Variants in HPSE2 observed in about 807,000 individuals in gnomAD.
The protein encoded by HPSE2 is heparanase 2 (inactive).
In HPSE2, 38 loss-of-function variants were observed where a neutral mutation model predicts 60.5. The observed-to-expected ratio is 0.63, with a 90% CI of 0.48 to 0.82. The LOEUF is 0.82. Ranked by LOEUF, HPSE2 falls within the 40% of genes least tolerant of loss-of-function variation. The pLI, the probability that HPSE2 is intolerant of heterozygous loss-of-function variation, is 0.00. For missense variants in HPSE2, 713 were observed against 740.4 expected, an observed-to-expected ratio of 0.96 and a Z score of 0.43; for synonymous variants, 295 against 293.2, an observed-to-expected ratio of 1.01 and a Z score of -0.06.
At chr10:98,846,450 A>G (rs888002766) in intron 3 of HPSE2, among the ~76,000 whole-genome samples, 3 of 152,232 alleles carry the variant, frequency 2.0e-5, no homozygotes, top group Admixed American at 2.0e-4. Context: ...GAGTATGCTG[A>G]GCATGGAAAC....
intron 3 of HPSE2, among the ~76,000 whole-genome samples, chr10:98,807,044 G>GA (rs1951059133): frequency 6.6e-6 from 1 of 152,202 alleles, no homozygotes; most frequent in Admixed American, 6.5e-5. Context: ...TTGGGAGGCT[G>GA]AGGCAGGAGA....
In HPSE2 at chr10:98,459,334, C is replaced by A; in HGVS notation, c.*240G>T. On this transcript the variant is annotated 3_prime_UTR_variant, in exon 12 of 12. Transcript: ENST00000370552. ...GGAAACATTCTGCTCTATACACATG[C>A]CTTTATCCTTATATAGGTACAGGTG... 1 of 574,762 alleles carries A rather than the reference C, an allele frequency of 1.7e-6. No individual in the cohort carries two copies. Among genetic ancestry groups the A allele is most frequent in the South Asian group, 1.9e-5 (1 of 53,734 alleles). The allele number at this position is 574,762 out of a possible 1,614,324, so 35.6% of individuals were successfully genotyped here. A position where few individuals can be genotyped will look rare whatever the true frequency, so the allele number is the denominator to read the frequency against.
At chr10:99,080,172 G>C (rs1018677398) in intron 3 of HPSE2, among the ~76,000 whole-genome samples, 4 of 152,136 alleles carry the variant, frequency 2.6e-5, no homozygotes, top group African/African-American at 9.7e-5. Flanking sequence ...AGAGTCTAGA[G>C]CTTCCTATCC....
intron 3 of HPSE2, among the ~76,000 whole-genome samples, chr10:98,996,029 T>A (rs569569698): frequency 3.9e-5 from 6 of 152,276 alleles, no homozygotes; most frequent in African/African-American, 1.4e-4. Flanking sequence ...ATAACAATGA[T>A]AATTTGTTTT....
chr10:99,244,411 T>TATG, the HPSE2 span, among the ~76,000 whole-genome samples: 8 of 146,534 alleles, frequency 5.5e-5, no homozygotes, highest in African/African-American at 2.0e-4. Flanking sequence ...TTATTATTAT[T>TATG]ATTATTATTA....
chr10:99,103,084 GC>G (rs1314378578), intron 3 of HPSE2, among the ~76,000 whole-genome samples: 8 of 152,208 alleles, frequency 5.3e-5, no homozygotes, highest in African/African-American at 1.9e-4. Flanking sequence ...AGACAGGGAT[GC>G]CCTTTCTCAC....
rs1292210685 is a variant in HPSE2, at chr10:98,542,796, C to T, written c.1321-52600G>A. Among the ~76,000 whole-genome samples the T allele has an allele frequency of 3.7e-3, 564 of 152,022 alleles. 2 individuals carry two copies. The highest frequency in any genetic ancestry group is 0.011 in the Admixed American group (161 of 15,248). On this transcript the variant is annotated intron_variant, in intron 9 of 11. Transcript: ENST00000370552. ...TTAGAGAAAAAAGAATAAAAAGAAA[C>T]GAGCAAAGCCTCCAAGAAACATGGG...
At chr10:98,600,884 C>T (rs61883379) in intron 9 of HPSE2, among the ~76,000 whole-genome samples, 17 of 31,674 alleles carry the variant, frequency 5.4e-4, no homozygotes, top group East Asian at 3.1e-3. Flanking sequence ...TGTATATATA[C>T]ATATATACGT....
chr10:99,226,564 T>C (rs539201062), intron 2 of HPSE2, among the ~76,000 whole-genome samples: 10 of 152,148 alleles, frequency 6.6e-5, no homozygotes, highest in South Asian at 2.1e-4. Context: ...TAATACATGA[T>C]ATCAATATGA....
chr10:98,598,269 G>T (rs563045471), intron 9 of HPSE2, among the ~76,000 whole-genome samples: 84 of 152,092 alleles, frequency 5.5e-4, no homozygotes, highest in African/African-American at 1.9e-3. Context: ...GTCTGGAGTG[G>T]TCCATAGATG....
intron 9 of HPSE2, among the ~76,000 whole-genome samples, chr10:98,580,836 A>ATATATATATATATGTGTGTGTG: frequency 1.0e-4 from 12 of 119,526 alleles, no homozygotes; most frequent in African/African-American, 4.3e-4. Flanking sequence ...ATATATATAT[A>ATATATATATATATGTGTGTGTG]TGTGTGTGTG....
intron 8 of HPSE2, among the ~76,000 whole-genome samples, chr10:98,615,813 C>G (rs1294167860): frequency 1.3e-5 from 2 of 152,190 alleles, no homozygotes; most frequent in Admixed American, 6.5e-5. Context: ...CTTAGGGAAA[C>G]TTCTACTTGT....
intron 6 of HPSE2, among the ~76,000 whole-genome samples, chr10:98,658,039 G>A (rs189502548): frequency 1.3e-5 from 2 of 152,168 alleles, no homozygotes; most frequent in Non-Finnish European, 2.9e-5. Context: ...GAAGAAGAAA[G>A]TCTGGGACTT....
intron 9 of HPSE2, among the ~76,000 whole-genome samples, chr10:98,496,105 C>T (rs1363241684): frequency 1.3e-5 from 2 of 151,778 alleles, no homozygotes; most frequent in African/African-American, 4.8e-5. Flanking sequence ...TTATTGTAGG[C>T]TGCCTCTGTG....
intron 3 of HPSE2, among the ~76,000 whole-genome samples, chr10:99,074,060 C>A (rs1050689708): frequency 6.7e-6 from 1 of 149,778 alleles, no homozygotes; most frequent in African/African-American, 2.5e-5. Context: ...CTTTTTCTTG[C>A]CTATTTGCTC....
intron 3 of HPSE2, among the ~76,000 whole-genome samples, chr10:98,836,435 C>T (rs1355019940): frequency 2.0e-5 from 3 of 152,214 alleles, no homozygotes; most frequent in Non-Finnish European, 4.4e-5. Context: ...TATCCATTTA[C>T]ATATCTGCCT....
chr10:98,664,392 C>T (rs2134094684), intron 6 of HPSE2, among the ~76,000 whole-genome samples: 1 of 152,164 alleles, frequency 6.6e-6, no homozygotes, highest in South Asian at 2.1e-4. Flanking sequence ...TTCTGCAGGG[C>T]CAGTCCAAGA....
chr10:98,877,491 T>C (rs1952909369), intron 3 of HPSE2, among the ~76,000 whole-genome samples: 1 of 151,988 alleles, frequency 6.6e-6, no homozygotes, highest in East Asian at 1.9e-4. Flanking sequence ...ATGCCTCTTT[T>C]TCTTATCGAT....
At chr10:98,964,556 C>T (rs1325826844) in intron 3 of HPSE2, among the ~76,000 whole-genome samples, 2 of 152,056 alleles carry the variant, frequency 1.3e-5, no homozygotes, top group East Asian at 3.9e-4. Flanking sequence ...ACCCACTAAT[C>T]ACTCTACTCT....
Sources: gnomAD v4.1 joint callset for allele counts (sites outside exome capture counted in the v4.1 genomes callset) on GRCh38, gnomAD v4.1.1 for gene constraint, MANE v1.5 for transcripts, NCBI Gene and HGNC (gene_info 2026-07-23, HGNC 2026-07-21) for gene names.